The following ZFHX3 variants were observed in gnomAD, a reference collection of about 807,000 sequenced individuals.
The protein encoded by ZFHX3 is zinc finger homeobox protein 3.
Under a neutral mutation model 279.1 loss-of-function variants are expected in ZFHX3, and 42 were observed. That is an observed-to-expected ratio of 0.15 (90% CI 0.12 to 0.19). ZFHX3 has a LOEUF of 0.19. ZFHX3 is among the 10% of genes least tolerant of loss of function. The probability of loss-of-function intolerance (pLI) is 1.00; values close to 1 mark genes in which losing one functional copy is unlikely to be tolerated. For missense variants in ZFHX3, 4,981 were observed against 4,754.0 expected (o/e 1.05, Z -1.40); for synonymous variants, 2,293 against 1,957.8 (o/e 1.17, Z -4.52).
intron 3 of ZFHX3, among the ~76,000 whole-genome samples, chr16:72,926,418 C>T (rs924820648): frequency 6.6e-6 from 1 of 152,184 alleles, no homozygotes; most frequent in African/African-American, 2.4e-5. Flanking sequence ...TTTCCAAACA[C>T]TTGTGTGTAT....
chr16:72,870,019 C>T (rs1173933856), intron 4 of ZFHX3, among the ~76,000 whole-genome samples: 1 of 152,072 alleles, frequency 6.6e-6, no homozygotes, highest in East Asian at 1.9e-4. Context: ...TCACATGAAC[C>T]CAGTTGAAGG....
intron 4 of ZFHX3, among the ~76,000 whole-genome samples, chr16:72,887,569 T>A (rs1323185225): frequency 6.9e-6 from 1 of 145,432 alleles, no homozygotes; most frequent in Non-Finnish European, 1.5e-5. Flanking sequence ...GGTGCAGGAG[T>A]GTGCGGGGCA....
At chr16:72,835,729 C>T (rs2037176171) in intron 4 of ZFHX3, among the ~76,000 whole-genome samples, 1 of 151,998 alleles carries the variant, frequency 6.6e-6, no homozygotes, top group South Asian at 2.1e-4. Context: ...GGATGTGCCT[C>T]GCTCTCGTTC....
intron 1 of ZFHX3, among the ~76,000 whole-genome samples, chr16:73,013,481 T>C (rs1019518503): frequency 6.6e-6 from 1 of 151,816 alleles, no homozygotes; most frequent in Non-Finnish European, 1.5e-5. Context: ...GGAGACAGGG[T>C]TTTGCCATGT....
chr16:73,249,763 A>G (rs962230914), intron 5 of ZFHX3, among the ~76,000 whole-genome samples: 19 of 147,054 alleles, frequency 1.3e-4, no homozygotes, highest in Non-Finnish European at 4.4e-5. Context: ...ACTGACATAT[A>G]AGTAAGAAAA....
At chr16:73,517,764 C>CAA (rs1422620070) in intron 2 of ZFHX3, among the ~76,000 whole-genome samples, 1 of 152,172 alleles carries the variant, frequency 6.6e-6, no homozygotes, top group Non-Finnish European at 1.5e-5. Context: ...TCTGGTATAA[C>CAA]ACCAGAAGCA....
chr16:73,424,411 G>C (rs772624963), intron 3 of ZFHX3, among the ~76,000 whole-genome samples: 4 of 152,130 alleles, frequency 2.6e-5, no homozygotes, highest in Non-Finnish European at 4.4e-5. Flanking sequence ...CTGGTAGCTT[G>C]AACATGGCTC....
chr16:73,650,165 G>A (rs2052657145), intron 2 of ZFHX3, among the ~76,000 whole-genome samples: 1 of 151,950 alleles, frequency 6.6e-6, no homozygotes, highest in Middle Eastern at 3.2e-3. Context: ...GGAATAGCAG[G>A]ACTTGTTATT....
chr16:72,908,194 C>T (rs1184186358), intron 3 of ZFHX3, among the ~76,000 whole-genome samples: 4 of 152,154 alleles, frequency 2.6e-5, no homozygotes, highest in Non-Finnish European at 5.9e-5. Flanking sequence ...GCTATGCCCT[C>T]CTCCCTGGGG....
chr16:73,730,568 A>G (rs1028965313), intron 1 of ZFHX3, among the ~76,000 whole-genome samples: 3 of 152,100 alleles, frequency 2.0e-5, no homozygotes, highest in Non-Finnish European at 2.9e-5. Flanking sequence ...TCTAAATTCC[A>G]TATGGTTCCC....
At chr16:73,141,792 A>G (rs942207513) in intron 6 of ZFHX3, among the ~76,000 whole-genome samples, 2 of 152,154 alleles carry the variant, frequency 1.3e-5, no homozygotes, top group Non-Finnish European at 2.9e-5. Flanking sequence ...TCTGAGGCTC[A>G]GGAGGTAGTC....
chr16:73,325,080 T>C (rs183630039), intron 3 of ZFHX3, among the ~76,000 whole-genome samples: 2 of 152,288 alleles, frequency 1.3e-5, no homozygotes, highest in African/African-American at 4.8e-5. Flanking sequence ...TCACAACCTC[T>C]CTGGCTGCGA....
chr16:72,854,055 A>G (rs895093982), intron 4 of ZFHX3, among the ~76,000 whole-genome samples: 3 of 152,368 alleles, frequency 2.0e-5, no homozygotes, highest in South Asian at 4.1e-4. Context: ...GTGTGCTAAC[A>G]TGAGGGTCCT....
intron 1 of ZFHX3, among the ~76,000 whole-genome samples, chr16:73,785,587 CT>C (rs1032534324): frequency 5.3e-5 from 8 of 152,074 alleles, no homozygotes; most frequent in African/African-American, 1.9e-4. Flanking sequence ...CTCATGAGTT[CT>C]TTTTTTAGGT....
chr16:72,947,483 C>T (rs962059199), intron 3 of ZFHX3, among the ~76,000 whole-genome samples: 4 of 152,180 alleles, frequency 2.6e-5, no homozygotes, highest in Non-Finnish European at 5.9e-5. Flanking sequence ...GGTCAGATGA[C>T]ACACCGAAAG....
chr16:73,365,130 A>G (rs1442473379), intron 3 of ZFHX3, among the ~76,000 whole-genome samples: 4 of 152,230 alleles, frequency 2.6e-5, no homozygotes, highest in African/African-American at 4.8e-5. Flanking sequence ...GAGGAATTCC[A>G]TGAGGGATTG....
chr16:73,293,675 C>A (rs889400558), intron 4 of ZFHX3, among the ~76,000 whole-genome samples: 4 of 152,132 alleles, frequency 2.6e-5, no homozygotes, highest in Non-Finnish European at 5.9e-5. Context: ...CCAGCATGGC[C>A]ATGCCTGTTG....
intron 1 of ZFHX3, among the ~76,000 whole-genome samples, chr16:72,975,207 C>A (rs112343079): frequency 5.3e-5 from 8 of 152,042 alleles, no homozygotes; most frequent in African/African-American, 1.7e-4. Flanking sequence ...TTTGGGAGGC[C>A]GAGGTGGGCG....
chr16:73,639,172 T>C (rs889705458), intron 2 of ZFHX3, among the ~76,000 whole-genome samples: 5 of 152,190 alleles, frequency 3.3e-5, no homozygotes, highest in African/African-American at 1.2e-4. Flanking sequence ...AAGAACCCAC[T>C]GTAGAACATC....
Sources: gnomAD v4.1 joint callset for allele counts (sites outside exome capture counted in the v4.1 genomes callset) on GRCh38, gnomAD v4.1.1 for gene constraint, MANE v1.5 for transcripts, NCBI Gene and HGNC (gene_info 2026-07-23, HGNC 2026-07-21) for gene names.